The following ZNF728 variants were observed in gnomAD, a reference collection of about 807,000 sequenced individuals.
ZNF728 encodes zinc finger protein 728.
ZNF728 carries 12 observed loss-of-function variants against 12.5 expected under a neutral mutation model. The ratio of observed to expected loss-of-function variants is 0.96; its 90% CI spans 0.61 to 1.55. The LOEUF is 1.55. ZNF728 is among the 40% of genes most tolerant of loss of function. ZNF728 has a pLI of 0.00. For missense variants in ZNF728, 692 were observed against 719.2 expected (o/e 0.96, Z 0.43); for synonymous variants, 205 against 240.7 (o/e 0.85, Z 1.37).
chr19:22,991,907 T>C (rs1968992329), intron 1 of ZNF728, among the ~76,000 whole-genome samples: 1 of 152,256 alleles, frequency 6.6e-6, no homozygotes, highest in Non-Finnish European at 1.5e-5. Context: ...GTTTGTATAA[T>C]TTTAATCTTT....
intron 1 of ZNF728, among the ~76,000 whole-genome samples, chr19:22,992,126 A>G (rs73553438): frequency 0.01 from 1,529 of 152,334 alleles, 29 homozygotes; most frequent in African/African-American, 0.035. Context: ...AAGTTTTTGC[A>G]CACAGCTATT....
At chr19:23,002,890 G>T in intron 1 of ZNF728, 138 bp downstream of exon 1, 1 of 1,170,500 alleles carries the variant, frequency 8.5e-7, no homozygotes, top group Non-Finnish European at 1.2e-6. Context: ...GCGGACTGAG[G>T]TCGAGCTAGG....
intron 3 of ZNF728, among the ~76,000 whole-genome samples, chr19:22,977,961 T>C (rs139438561): frequency 0.011 from 1,628 of 151,754 alleles, 39 homozygotes; most frequent in African/African-American, 0.037. Context: ...CTGAGTGAAA[T>C]AGGAACACAA....
chr19:22,975,985 T>C lies in ZNF728; in HGVS notation c.1352A>G (p.His451Arg), dbSNP rs755081320. The change falls in exon 4 of 4, where the codon CAC becomes CGC. Residue 451 changes from histidine (H) to arginine (R), a missense_variant. Physicochemically the swap from His to Arg is conservative, Grantham distance 29. Coordinates refer to ENST00000594710, the MANE Select transcript of ZNF728 (RefSeq NM_001267716.2). ...KHKVIHTGEK[H>R]YKCEECGKVF... ...TTTGCCACATTCTTCACATTTGTAGTGTTTCTCTCCAGTATGAATTACTTT... is the reference window on the plus strand; with the variant it reads ...TTTGCCACATTCTTCACATTTGTAGCGTTTCTCTCCAGTATGAATTACTTT... 1 of 1,608,880 alleles carries C rather than the reference T, an allele frequency of 6.2e-7. No homozygotes were observed.
chr19:22,988,289 T>A, intron 2 of ZNF728, 36 bp downstream of exon 2: 3 of 1,613,798 alleles, frequency 1.9e-6, no homozygotes, highest in Non-Finnish European at 2.5e-6. Context: ...AAACCTATAG[T>A]GTATACTAGG....
intron 3 of ZNF728, among the ~76,000 whole-genome samples, chr19:22,981,279 G>A (rs1599527624): frequency 6.6e-6 from 1 of 152,154 alleles, no homozygotes. Context: ...AGAAAATCTA[G>A]AAGAAATGAA....
chr19:22,993,848 CCTCT>C (rs1478723255), intron 1 of ZNF728, among the ~76,000 whole-genome samples: 4 of 152,216 alleles, frequency 2.6e-5, no homozygotes, highest in Admixed American at 2.0e-4. Flanking sequence ...CATTTTAATG[CCTCT>C]CTGAGTCTGA....
chr19:23,001,660 C>T (rs8108164), intron 1 of ZNF728, among the ~76,000 whole-genome samples: 58 of 152,146 alleles, frequency 3.8e-4, no homozygotes, highest in Non-Finnish European at 7.9e-4. Flanking sequence ...ATATCTGTGT[C>T]TACGGAAAAC....
At chr19:22,998,319 AGACC>A (rs1969070601) in intron 1 of ZNF728, among the ~76,000 whole-genome samples, 1 of 151,808 alleles carries the variant, frequency 6.6e-6, no homozygotes, top group East Asian at 1.9e-4. Context: ...CAGGAGTTTG[AGACC>A]GGCATGGACA....
intron 1 of ZNF728, among the ~76,000 whole-genome samples, chr19:23,002,564 G>A (rs1282227294): frequency 2.0e-5 from 3 of 152,174 alleles, no homozygotes; most frequent in African/African-American, 7.2e-5. Context: ...CCATAGCTGG[G>A]TGCTCTACAA....
At chr19:23,001,498 A>C (rs2145357973) in intron 1 of ZNF728, among the ~76,000 whole-genome samples, 1 of 152,292 alleles carries the variant, frequency 6.6e-6, no homozygotes, top group Non-Finnish European at 1.5e-5. Context: ...GCTGATATTC[A>C]CTAGACACTC....
intron 2 of ZNF728, among the ~76,000 whole-genome samples, chr19:22,987,984 A>C (rs947913234): frequency 4.6e-5 from 7 of 152,186 alleles, no homozygotes; most frequent in African/African-American, 1.7e-4. Context: ...AGGTACACTA[A>C]GGACAGTCAC....
At chr19:22,994,503 T>C (rs1260493853) in intron 1 of ZNF728, among the ~76,000 whole-genome samples, 2 of 152,246 alleles carry the variant, frequency 1.3e-5, no homozygotes, top group Non-Finnish European at 2.9e-5. Context: ...ACAGTCAATT[T>C]GCTCAAGAGA....
rs398040954 is a variant in ZNF728, at chr19:22,984,557, CAAAAAA to C, written c.226+2745_226+2750del. ...CTGGAGATAGAGCGAGACTCCATCT[CAAAAAA>C]AAAAAAAAAAAAATACACACACACA... is the stretch of plus-strand genomic sequence containing the variant. On this transcript the variant is annotated intron_variant, in intron 3 of 3. Coordinates refer to ENST00000594710, the MANE Select transcript of ZNF728 (RefSeq NM_001267716.2). Among the ~76,000 whole-genome samples, 16 of 77,036 alleles carry C rather than the reference CAAAAAA, an allele frequency of 2.1e-4. No individual in the cohort carries two copies. In the Admixed American group the frequency reaches 3.0e-3, roughly 14 times the overall value. The allele number at this position is 77,036 out of a possible 152,430, so 50.5% of individuals were successfully genotyped here. A position where few individuals can be genotyped will look rare whatever the true frequency, so the allele number is the denominator to read the frequency against.
chr19:22,997,190 A>G (rs1385863998), intron 1 of ZNF728, among the ~76,000 whole-genome samples: 1 of 152,176 alleles, frequency 6.6e-6, no homozygotes, highest in Non-Finnish European at 1.5e-5. Flanking sequence ...ATCTAAAAAT[A>G]CCATAATATA....
At chr19:22,983,934 C>A (rs1364584427) in intron 3 of ZNF728, among the ~76,000 whole-genome samples, 3 of 151,958 alleles carry the variant, frequency 2.0e-5, no homozygotes, top group African/African-American at 7.3e-5. Flanking sequence ...CAGCAAACCA[C>A]CATGGCACGT....
chr19:22,983,726 A>G (rs1968884562), intron 3 of ZNF728, among the ~76,000 whole-genome samples: 1 of 152,272 alleles, frequency 6.6e-6, no homozygotes, highest in Non-Finnish European at 1.5e-5. Flanking sequence ...TAAAGCTGGA[A>G]ACCATCATTC....
At chr19:22,980,918 A>G (rs1434756134) in intron 3 of ZNF728, among the ~76,000 whole-genome samples, 1 of 152,226 alleles carries the variant, frequency 6.6e-6, no homozygotes, top group Non-Finnish European at 1.5e-5. Flanking sequence ...CACGAGAGAA[A>G]GCAGGAAAGA....
chr19:22,978,061 A>G (rs1161580177), intron 3 of ZNF728, among the ~76,000 whole-genome samples: 1 of 152,038 alleles, frequency 6.6e-6, no homozygotes, highest in African/African-American at 2.4e-5. Context: ...ACTGATTCTA[A>G]AATTAAGATA....
Sources: gnomAD v4.1 joint callset for allele counts (sites outside exome capture counted in the v4.1 genomes callset) on GRCh38, gnomAD v4.1.1 for gene constraint, MANE v1.5 for transcripts, NCBI Gene and HGNC (gene_info 2026-07-23, HGNC 2026-07-21) for gene names.